The following C1QTNF9B variants were observed in gnomAD, a reference collection of about 807,000 sequenced individuals.
The protein encoded by C1QTNF9B is complement C1q and tumor necrosis factor-related protein 9B.
C1QTNF9B carries 9 observed loss-of-function variants against 10.1 expected under a neutral mutation model. That is an observed-to-expected ratio of 0.89 (90% confidence interval 0.53 to 1.55). The LOEUF (loss-of-function observed/expected upper bound fraction) is 1.55. C1QTNF9B is among the 40% of genes most tolerant of loss of function. The probability of loss-of-function intolerance (pLI) is 0.00; values close to 1 mark genes in which losing one functional copy is unlikely to be tolerated. For synonymous variants in C1QTNF9B, 79 were observed against 159.9 expected (o/e 0.49, Z 3.82); for missense variants, 196 against 414.4 (o/e 0.47, Z 4.58).
At chr13:23,897,060 G>A (rs764753254), upstream of C1QTNF9B, 25 of 1,597,122 alleles carry the variant, frequency 1.6e-5, no homozygotes, top group Non-Finnish European at 2.1e-5. Flanking sequence ...TGGGGCCCTG[G>A]ACACAGCCTC....
At chr13:23,897,055 C>T, upstream of C1QTNF9B, 6 of 1,601,288 alleles carry the variant, frequency 3.7e-6, no homozygotes, top group Non-Finnish European at 3.4e-6. Context: ...GTTGCTGGGG[C>T]CCTGGACACA....
chr13:23,897,102 C>T, upstream of C1QTNF9B: 1 of 1,447,496 alleles, frequency 6.9e-7, no homozygotes, highest in Non-Finnish European at 9.4e-7. Context: ...GATGAGCTGT[C>T]CCCTGCCCCA....
chr13:23,894,989 C>G (rs1443734057), intron 1 of C1QTNF9B, among the ~76,000 whole-genome samples: 4 of 152,202 alleles, frequency 2.6e-5, no homozygotes. Context: ...GCGACAGGCG[C>G]AGGCTGGGCC....
chr13:23,894,390 G>A (rs1872125559), intron 1 of C1QTNF9B, 189 bp from the exon 4 acceptor site: 1 of 635,802 alleles, frequency 1.6e-6, no homozygotes, highest in East Asian at 2.9e-5. Flanking sequence ...TGAGCTGCGT[G>A]GGATAAGTGA....
intron 2 of C1QTNF9B, among the ~76,000 whole-genome samples, chr13:23,892,272 T>A (rs1872030906): frequency 6.6e-6 from 1 of 152,192 alleles, no homozygotes; most frequent in Non-Finnish European, 1.5e-5. Flanking sequence ...GAGGACTGCC[T>A]GAGGCCAAGA....
chr13:23,895,027 C>A (rs949426048), intron 1 of C1QTNF9B, among the ~76,000 whole-genome samples: 12 of 152,196 alleles, frequency 7.9e-5, no homozygotes, highest in Non-Finnish European at 1.6e-4. Flanking sequence ...ACAGGACTGA[C>A]ACAGGCAGAC....
At chr13:23,897,218 C>T, upstream of C1QTNF9B, 1 of 524,750 alleles carries the variant, frequency 1.9e-6, no homozygotes, top group South Asian at 3.8e-5. Flanking sequence ...ATTGGAACCA[C>T]TCTTCAAGCT....
intron 2 of C1QTNF9B, among the ~76,000 whole-genome samples, chr13:23,893,144 G>A (rs796255902): frequency 7.2e-5 from 11 of 152,344 alleles, no homozygotes; most frequent in African/African-American, 2.4e-4. Context: ...ACGAGCTAGT[G>A]AGCCTCGTGC....
rs961854126 is a variant in C1QTNF9B at position 23,892,684 on chromosome 13, A to G, written c.230-623T>C. Among the ~76,000 whole-genome samples the G allele has an allele frequency of 1.4e-4, 22 of 152,144 alleles. No homozygotes were observed. The Middle Eastern group carries it at 0.01, about 71-fold the overall frequency. On this transcript the variant is annotated intron_variant, in intron 2 of 2. Transcript: ENST00000382137. ...AAATAAATAAAAGTCAATTACTCCA[A>G]TTACACACGTGTGTGCACATGGACA...
chr13:23,897,233 G>A (rs1355885188), upstream of C1QTNF9B: 29 of 500,408 alleles, frequency 5.8e-5, no homozygotes, highest in Non-Finnish European at 9.1e-5. Context: ...CAAGCTGAAC[G>A]GGCAATAAAA....
At position 23,891,432 on chromosome 13, in the gene C1QTNF9B, C is replaced by T. The variant is rs779789082; in HGVS notation, c.859G>A (p.Ala287Thr). The change falls in exon 3 of 3, where the codon GCC (alanine) becomes ACC (threonine). Residue 287 changes from alanine to threonine, a missense_variant. By Grantham distance (58) the Ala-to-Thr change is moderately conservative. This residue lies in a region of C1QTNF9B where 72 missense variants were observed against 87.1 expected (regional missense o/e 0.83). Transcript: ENST00000382137. ...AGCTGCAGGACAATGCTGCCAGAGGCCTGGTCCTCAGAGCTCACGTAAGCA... is the reference window on the plus strand; with the variant it reads ...AGCTGCAGGACAATGCTGCCAGAGGTCTGGTCCTCAGAGCTCACGTAAGCA... The T allele has an allele frequency of 2.1e-5, 33 of 1,582,100 alleles. 3 individuals carry two copies. In the South Asian group the frequency reaches 3.2e-4, roughly 15 times the overall value.
At position 23,896,884 on chromosome 13, in the gene C1QTNF9B, C is replaced by T. The variant is rs143076333; in HGVS notation, c.103G>A (p.Gly35Ser). The change falls in exon 1 of 3, where the codon GGT (glycine) becomes AGT (serine). Residue 35 changes from glycine (G) to serine (S), a missense_variant. Gly to Ser is a moderately conservative substitution (Grantham distance 56, BLOSUM62 0). This residue lies in a region of C1QTNF9B where 46 missense variants were observed against 64.5 expected (regional missense o/e 0.71). Transcript: ENST00000382137. ...TCTCTTCCAGGCAGACCATTGTGACCGGGGTTCCCAGGGATTCCAGGGTGC... is the reference window on the plus strand; with the variant it reads ...TCTCTTCCAGGCAGACCATTGTGACTGGGGTTCCCAGGGATTCCAGGGTGC... 36 of 1,613,942 alleles carry T rather than the reference C, an allele frequency of 2.2e-5. No homozygotes were observed. The highest frequency in any genetic ancestry group is 2.2e-4 in the South Asian group (20 of 91,068).
At chr13:23,894,458 GCA>G in intron 1 of C1QTNF9B, 4 of 643,330 alleles carry the variant, frequency 6.2e-6, no homozygotes, top group Non-Finnish European at 2.9e-6. Context: ...TGCCTAGAGC[GCA>G]CAGCAAGACA....
At chr13:23,893,289 A>G (rs935451243) in intron 2 of C1QTNF9B, among the ~76,000 whole-genome samples, 1 of 152,090 alleles carries the variant, frequency 6.6e-6, no homozygotes, top group African/African-American at 2.4e-5. Flanking sequence ...ATCCCAACCC[A>G]TCAGGGACCA....
upstream of C1QTNF9B, chr13:23,897,174 A>G: frequency 1.5e-6 from 1 of 675,178 alleles, no homozygotes; most frequent in East Asian, 2.8e-5. Context: ...GGTTATTACC[A>G]GGATGACATT....
At position 23,896,864 on chromosome 13, in the gene C1QTNF9B, TC is replaced by T. The variant is rs1349633442; in HGVS notation, c.122del (p.Gly41GlufsTer140). On this transcript the variant is annotated frameshift_variant, in exon 1 of 3. Coordinates refer to ENST00000382137, the Ensembl canonical transcript of C1QTNF9B. LOFTEE classifies it high-confidence loss of function. ...CCTTCGCTCCGTCTCGTCCATCTCT[TC>T]CAGGCAGACCATTGTGACCGGGGTT... is the stretch of plus-strand genomic sequence containing the variant. 3 of 1,612,850 alleles carry T rather than the reference TC, an allele frequency of 1.9e-6. No individual in the cohort carries two copies. Among genetic ancestry groups the T allele is most frequent in the Non-Finnish European group, 2.5e-6 (3 of 1,179,008 alleles).
intron 2 of C1QTNF9B, 43 bp from the exon 5 acceptor site, chr13:23,892,104 T>G: frequency 1.9e-6 from 3 of 1,606,992 alleles, no homozygotes; most frequent in Non-Finnish European, 2.5e-6. Context: ...TTGTGAAAGA[T>G]TCCCTTGTGA....
rs754093228 is a variant in C1QTNF9B, at chr13:23,894,134, C to T, written c.229+5G>A. 11 of 1,513,030 alleles carry T rather than the reference C, an allele frequency of 7.3e-6. 1 individual carries two copies. The Admixed American group carries it at 1.9e-4, about 26-fold the overall frequency. 93.7% of individuals were successfully genotyped at this position (1,513,030 alleles called of 1,614,324 possible). On this transcript the variant is annotated splice_donor_5th_base_variant and intron_variant, in intron 2 of 2. Transcript: ENST00000382137. ...ATTAGAGCACCATAAATAGGAACTACTAACCTCGTTCTCCCTTCTCTCCAC... is the reference window on the plus strand; with the variant it reads ...ATTAGAGCACCATAAATAGGAACTATTAACCTCGTTCTCCCTTCTCTCCAC...
intron 2 of C1QTNF9B, 126 bp from the exon 5 acceptor site, chr13:23,892,187 G>A: frequency 1.4e-6 from 2 of 1,414,650 alleles, no homozygotes; most frequent in Non-Finnish European, 1.9e-6. Flanking sequence ...TATGCCCAGA[G>A]TTTAAAATTC....
Sources: allele counts gnomAD v4.1 joint callset (sites outside exome capture counted in the v4.1 genomes callset), GRCh38; gene constraint gnomAD v4.1.1; regional missense constraint gnomAD v4.1.1; transcripts MANE v1.5; gene names NCBI Gene and HGNC (gene_info 2026-07-23, HGNC 2026-07-21).